RMDN3: variants seen among roughly 807,000 people sequenced by gnomAD.
RMDN3 encodes regulator of microtubule dynamics protein 3.
In RMDN3, 41 loss-of-function variants were observed where a neutral mutation model predicts 61.8. That is an observed-to-expected ratio of 0.66 (90% confidence interval 0.52 to 0.86). RMDN3 has a LOEUF of 0.86. RMDN3 is among the 40% of genes least tolerant of loss of function. RMDN3 has a pLI of 0.00. For missense variants in RMDN3, 557 were observed against 585.3 expected, an observed-to-expected ratio of 0.95 and a Z score of 0.50; for synonymous variants, 247 against 232.0, an observed-to-expected ratio of 1.06 and a Z score of -0.59.
At chr15:40,746,997 C>G (rs1897598030) in intron 4 of RMDN3, among the ~76,000 whole-genome samples, 1 of 152,284 alleles carries the variant, frequency 6.6e-6, no homozygotes, top group South Asian at 2.1e-4. Context: ...AATGAAACTC[C>G]CAACTGCACC....
chr15:40,745,025 C>T lies in RMDN3; in HGVS notation c.759G>A (p.Glu253=). The stretch of plus-strand genomic sequence containing the variant: ...GCTGGAAGCCCTCCCGCTTGCCTTG[C>T]TCATCACCCCTGTGCAGCTCGTCGG... ...QQADELHRGD[E]QGKREGFQLL... is the part of the protein sequence containing the mutation. Residue 253 remains glutamate, a synonymous_variant, in exon 5 of 13, where the codon GAG becomes GAA. Coordinates refer to ENST00000338376, the MANE Select transcript of RMDN3 (RefSeq NM_018145.3). 1 of 1,613,086 alleles carries T rather than the reference C, an allele frequency of 6.2e-7. No individual in the cohort carries two copies. Among genetic ancestry groups the T allele is most frequent in the East Asian group, 2.2e-5 (1 of 44,830 alleles).
chr15:40,743,241 C>T (rs1293572499), intron 6 of RMDN3, among the ~76,000 whole-genome samples: 2 of 151,920 alleles, frequency 1.3e-5, no homozygotes, highest in Non-Finnish European at 2.9e-5. Flanking sequence ...GCCAACATGG[C>T]GAAACCCCAT....
intron 5 of RMDN3, among the ~76,000 whole-genome samples, chr15:40,744,618 T>C (rs1897432252): frequency 6.6e-6 from 1 of 151,968 alleles, no homozygotes; most frequent in Non-Finnish European, 1.5e-5. Context: ...GCTTGGACTC[T>C]GCCTCAAGGG....
intron 9 of RMDN3, 88 bp from the exon 10 acceptor site, chr15:40,737,814 A>G (rs1897121255): frequency 2.1e-5 from 32 of 1,499,738 alleles, no homozygotes; most frequent in Non-Finnish European, 2.9e-5. Flanking sequence ...AATAGGGTCA[A>G]ACGGGGCTGG....
In RMDN3 at chr15:40,755,111, A is replaced by G; in HGVS notation, c.-36T>C. 1 of 223,410 alleles carries G rather than the reference A, an allele frequency of 4.5e-6. No homozygotes were observed. Among genetic ancestry groups the G allele is most frequent in the Non-Finnish European group, 8.9e-6 (1 of 112,554 alleles). 13.8% of individuals were successfully genotyped at this position (223,410 alleles called of 1,614,324 possible). A position where few individuals can be genotyped will look rare whatever the true frequency, so the allele number is the denominator to read the frequency against. ...AGCCTCACGACACTGCAGACCACAA[A>G]CCCGGCGCCCTGGCTGCAAACTCCT... On this transcript the variant is annotated 5_prime_UTR_variant, in exon 1 of 13. Transcript: ENST00000338376.
At chr15:40,743,058 T>C (rs758091757) in intron 6 of RMDN3, among the ~76,000 whole-genome samples, 2 of 152,214 alleles carry the variant, frequency 1.3e-5, no homozygotes, top group Non-Finnish European at 2.9e-5. Context: ...TGTTTGAGTA[T>C]ACATTATCAA....
chr15:40,754,946 C>G, intron 1 of RMDN3, 137 bp downstream of exon 1: 1 of 620,048 alleles, frequency 1.6e-6, no homozygotes, highest in Non-Finnish European at 2.8e-6. Context: ...ACGTGCACCC[C>G]AGTCTGAACC....
chr15:40,741,676 C>G (rs1021701369), intron 6 of RMDN3, among the ~76,000 whole-genome samples: 1 of 124,100 alleles, frequency 8.1e-6, no homozygotes, highest in South Asian at 2.7e-4. Context: ...GTCGTCCAGG[C>G]TGGAGTGCAA....
At position 40,737,533 on chromosome 15, in the gene RMDN3, C is replaced by T. The variant is rs1897104465; in HGVS notation, c.1224+95G>A. 5.6e-6 allele frequency: 7 copies of T among 1,253,602 alleles called. No individual in the cohort carries two copies. The South Asian group carries it at 6.2e-5, about 11-fold the overall frequency. The allele number at this position is 1,253,602 out of a possible 1,614,324, so 77.7% of individuals were successfully genotyped here. On this transcript the variant is annotated intron_variant, in intron 10 of 12. Coordinates refer to ENST00000338376, the MANE Select transcript of RMDN3 (RefSeq NM_018145.3). ...CAGGCAAACACAAAATTGCCCCCGA[C>T]TAGGAAAACCCCTCCCATTAAGGGT...
chr15:40,753,092 C>G (rs1897894744), intron 2 of RMDN3, among the ~76,000 whole-genome samples: 1 of 152,150 alleles, frequency 6.6e-6, no homozygotes, highest in African/African-American at 2.4e-5. Context: ...ACTAGATTAC[C>G]ACAAGATTAT....
intron 4 of RMDN3, among the ~76,000 whole-genome samples, chr15:40,748,391 C>T (rs1334882328): frequency 6.6e-6 from 1 of 152,244 alleles, no homozygotes; most frequent in Non-Finnish European, 1.5e-5. Context: ...TGCACCACCA[C>T]CTGCTCTCAT....
intron 6 of RMDN3, 126 bp downstream of exon 6, chr15:40,743,921 C>T (rs1019080728): frequency 1.6e-5 from 11 of 700,466 alleles, no homozygotes; most frequent in East Asian, 2.7e-5. Context: ...AGAGTTTGTC[C>T]CTAGTGGGTA....
chr15:40,736,380 G>C lies in RMDN3; in HGVS notation c.*161C>G, dbSNP rs1385536863. 4 of 640,536 alleles carry C rather than the reference G, an allele frequency of 6.2e-6. No homozygotes were observed. In the East Asian group the frequency reaches 8.2e-5, roughly 13 times the overall value. 39.7% of individuals were successfully genotyped at this position (640,536 alleles called of 1,614,324 possible). On this transcript the variant is annotated 3_prime_UTR_variant, in exon 13 of 13. Transcript: ENST00000338376. ...GCCCCAATTCTAGATTAGGTTAGAG[G>C]TTAGAATAAATTAACTAATGGGGAG...
At chr15:40,745,860 C>T (rs1485383034) in intron 4 of RMDN3, among the ~76,000 whole-genome samples, 1 of 152,168 alleles carries the variant, frequency 6.6e-6, no homozygotes, top group Non-Finnish European at 1.5e-5. Context: ...AGGCCATGGG[C>T]AGCCACACAC....
At chr15:40,755,002 C>G in intron 1 of RMDN3, 81 bp downstream of exon 1, 2 of 531,440 alleles carry the variant, frequency 3.8e-6, no homozygotes, top group Non-Finnish European at 6.7e-6. Context: ...TCTCTTCTCA[C>G]CCAGCCTGGA....
At chr15:40,738,416 T>G in intron 8 of RMDN3, 85 bp downstream of exon 8, 3 of 1,305,414 alleles carry the variant, frequency 2.3e-6, no homozygotes, top group Admixed American at 1.8e-5. Flanking sequence ...ACTGAGGCTG[T>G]AGAAAAGTTT....
At chr15:40,745,362 C>A in intron 4 of RMDN3, 103 bp from the exon 5 acceptor site, 13 of 1,027,516 alleles carry the variant, frequency 1.3e-5, no homozygotes, top group Non-Finnish European at 1.6e-5. Flanking sequence ...TGGCATTGTC[C>A]AAAGCACCAA....
chr15:40,736,783 G>A (rs150948532), intron 12 of RMDN3, among the ~76,000 whole-genome samples, 189 bp from the exon 13 acceptor site: 117 of 152,152 alleles, frequency 7.7e-4, no homozygotes, highest in African/African-American at 2.5e-3. Flanking sequence ...TTTTTTACTA[G>A]GGAAATAAGA....
intron 6 of RMDN3, among the ~76,000 whole-genome samples, chr15:40,743,582 C>A (rs181886188): frequency 2.3e-3 from 357 of 152,296 alleles, no homozygotes; most frequent in Non-Finnish European, 3.5e-3. Flanking sequence ...GAGCCTGGCA[C>A]AGGTCAGATG....
Sources: allele counts gnomAD v4.1 joint callset (sites outside exome capture counted in the v4.1 genomes callset), GRCh38; gene constraint gnomAD v4.1.1; transcripts MANE v1.5; gene names NCBI Gene and HGNC (gene_info 2026-07-23, HGNC 2026-07-21).